Variants in TENM4 observed in about 807,000 individuals in gnomAD.
TENM4 encodes teneurin transmembrane protein 4, also known as teneurin-4.
Under a neutral mutation model 243.3 loss-of-function variants are expected in TENM4, and 82 were observed. The ratio of observed to expected loss-of-function variants is 0.34; its 90% CI spans 0.28 to 0.40. TENM4 has a LOEUF of 0.40. Among genes scored for constraint, TENM4 ranks in the 10% least tolerant of loss-of-function variants. The probability of loss-of-function intolerance (pLI) is 1.00; values close to 1 mark genes in which losing one functional copy is unlikely to be tolerated. For synonymous variants in TENM4, 1,412 were observed against 1,456.3 expected, an observed-to-expected ratio of 0.97 and a Z score of 0.69; for missense variants, 3,138 against 3,673.3, an observed-to-expected ratio of 0.85 and a Z score of 3.77.
At chr11:78,720,485 A>G in intron 24 of TENM4, 95 bp from the exon 25 acceptor site, 1 of 1,232,982 alleles carries the variant, frequency 8.1e-7, no homozygotes, top group South Asian at 1.2e-5. Flanking sequence ...CTTGACAGCA[A>G]TGGTACTATA....
intron 6 of TENM4, among the ~76,000 whole-genome samples, chr11:78,908,572 G>A (rs925504414): frequency 6.6e-6 from 1 of 152,202 alleles, no homozygotes; most frequent in Admixed American, 6.5e-5. Context: ...TTATTACACT[G>A]AATCCCACTC....
intron 2 of TENM4, among the ~76,000 whole-genome samples, chr11:79,278,930 C>T (rs1856107092): frequency 6.6e-6 from 1 of 152,192 alleles, no homozygotes; most frequent in South Asian, 2.1e-4. Flanking sequence ...ATCTCACAGG[C>T]ACGGCCACGT....
chr11:79,284,472 T>C (rs1361581416), intron 2 of TENM4, among the ~76,000 whole-genome samples: 1 of 152,194 alleles, frequency 6.6e-6, no homozygotes, highest in African/African-American at 2.4e-5. Flanking sequence ...TGTCAGGAAA[T>C]GATGCCAAGA....
Position 78,657,946 on chromosome 11 carries a change from T to C in TENM4, c.*112A>G. ...TGCATGAGTTACAATGCAACCAGTA[T>C]CTTTTTGTTTCTGCACTTGTTAAAA... On this transcript the variant is annotated 3_prime_UTR_variant, in exon 34 of 34. Transcript: ENST00000278550. 6.7e-7 allele frequency: 1 copy of C among 1,500,038 alleles called. No homozygotes were observed. The highest frequency in any genetic ancestry group is 9.2e-7 in the Non-Finnish European group (1 of 1,081,286). The allele number at this position is 1,500,038 out of a possible 1,614,324, so 92.9% of individuals were successfully genotyped here.
chr11:78,702,863 A>G (rs1037881065), intron 27 of TENM4, among the ~76,000 whole-genome samples: 4 of 152,190 alleles, frequency 2.6e-5, no homozygotes. Flanking sequence ...GGAAAGGCAG[A>G]TGGAGTCTGG....
chr11:78,955,526 C>T lies in TENM4; in HGVS notation c.494-52003G>A, dbSNP rs543225697. 3.7e-4 allele frequency among the ~76,000 whole-genome samples: 57 copies of T among 152,226 alleles called. No individual in the cohort carries two copies. In the South Asian group the frequency reaches 3.9e-3, roughly 11 times the overall value. On this transcript the variant is annotated intron_variant, in intron 6 of 33. Transcript: ENST00000278550. Reference sequence around the variant, plus strand: ...GGACACATAGCTAATGTGCCTTCCTCGGGGAGTGGTGTAGGAATTCCTAGG... The same window carrying T: ...GGACACATAGCTAATGTGCCTTCCTTGGGGAGTGGTGTAGGAATTCCTAGG...
intron 28 of TENM4, among the ~76,000 whole-genome samples, chr11:78,689,431 G>C (rs867717): frequency 0.36 from 54,284 of 151,876 alleles, 10,828 homozygotes; most frequent in African/African-American, 0.54. Flanking sequence ...TGACTGACTT[G>C]CTGGACACGG....
At chr11:79,244,004 T>G (rs1294156406) in intron 2 of TENM4, among the ~76,000 whole-genome samples, 1 of 152,210 alleles carries the variant, frequency 6.6e-6, no homozygotes, top group Non-Finnish European at 1.5e-5. Flanking sequence ...GCTCCCGTGA[T>G]GCTGATGCTC....
At chr11:78,660,801 G>A (rs1858012221) in intron 33 of TENM4, among the ~76,000 whole-genome samples, 1 of 152,192 alleles carries the variant, frequency 6.6e-6, no homozygotes, top group Non-Finnish European at 1.5e-5. Flanking sequence ...AATGCATGAA[G>A]TGAGTGGGTG....
chr11:79,413,198 T>G (rs1375098393), intron 1 of TENM4, among the ~76,000 whole-genome samples: 1 of 152,216 alleles, frequency 6.6e-6, no homozygotes, highest in Non-Finnish European at 1.5e-5. Flanking sequence ...TCTGGGCACC[T>G]TGTGTTCCAA....
intron 2 of TENM4, among the ~76,000 whole-genome samples, chr11:79,263,570 T>A (rs1855834061): frequency 6.6e-6 from 1 of 152,240 alleles, no homozygotes. Context: ...AGACAATAAA[T>A]GCTCAGTAAA....
chr11:78,746,420 C>T (rs1211039370), intron 19 of TENM4, among the ~76,000 whole-genome samples: 1 of 152,256 alleles, frequency 6.6e-6, no homozygotes, highest in Non-Finnish European at 1.5e-5. Context: ...CCTTCAGACA[C>T]CAAGGGAGCG....
At chr11:79,372,326 A>G (rs552715809) in intron 1 of TENM4, among the ~76,000 whole-genome samples, 1 of 152,370 alleles carries the variant, frequency 6.6e-6, no homozygotes, top group East Asian at 1.9e-4. Flanking sequence ...AAAATGTAAT[A>G]AGAGAATCTG....
At chr11:79,024,175 G>C (rs566967276) in intron 6 of TENM4, among the ~76,000 whole-genome samples, 3 of 152,276 alleles carry the variant, frequency 2.0e-5, no homozygotes, top group Admixed American at 6.5e-5. Context: ...TGGTGGCCAG[G>C]GTACCTGGCC....
chr11:79,137,987 G>T (rs1862144373), intron 4 of TENM4, among the ~76,000 whole-genome samples: 1 of 151,854 alleles, frequency 6.6e-6, no homozygotes, highest in Non-Finnish European at 1.5e-5. Context: ...GATCCTGGGT[G>T]TGTGTGTGAG....
chr11:79,129,934 C>T (rs1861966931), intron 4 of TENM4, among the ~76,000 whole-genome samples: 2 of 152,154 alleles, frequency 1.3e-5, no homozygotes, highest in Admixed American at 1.3e-4. Flanking sequence ...CAAAAACCAC[C>T]AAAATACAGC....
At chr11:79,142,238 A>G (rs779794222) in intron 4 of TENM4, among the ~76,000 whole-genome samples, 6 of 152,066 alleles carry the variant, frequency 3.9e-5, no homozygotes, top group Non-Finnish European at 8.8e-5. Context: ...AAAGCTAAAG[A>G]CTCCATCAAA....
At chr11:79,211,538 G>A in intron 3 of TENM4, among the ~76,000 whole-genome samples, 1 of 152,148 alleles carries the variant, frequency 6.6e-6, no homozygotes, top group South Asian at 2.1e-4. Flanking sequence ...ACTCACGGTG[G>A]AGTTTTCGAG....
chr11:79,003,771 G>C (rs966568978), intron 6 of TENM4, among the ~76,000 whole-genome samples: 1 of 152,044 alleles, frequency 6.6e-6, no homozygotes, highest in Non-Finnish European at 1.5e-5. Flanking sequence ...ACACTATAAA[G>C]TGACAACACA....
Sources: gnomAD v4.1 joint callset for allele counts (sites outside exome capture counted in the v4.1 genomes callset) on GRCh38, gnomAD v4.1.1 for gene constraint, MANE v1.5 for transcripts, NCBI Gene and HGNC (gene_info 2026-07-23, HGNC 2026-07-21) for gene names.